SCGB3A2: variants seen among roughly 807,000 people sequenced by gnomAD.
The protein encoded by SCGB3A2 is pneumo secretory protein 1.
SCGB3A2 carries 5 observed loss-of-function variants against 7.7 expected under a neutral mutation model. The observed-to-expected ratio is 0.65, with a 90% CI of 0.34 to 1.36. SCGB3A2 has a LOEUF of 1.36. SCGB3A2 is among the 40% of genes most tolerant of loss of function. SCGB3A2 has a pLI of 0.04. For missense variants in SCGB3A2, 109 were observed against 103.6 expected, an observed-to-expected ratio of 1.05 and a Z score of -0.23; for synonymous variants, 44 against 42.7, an observed-to-expected ratio of 1.03 and a Z score of -0.12.
chr5:147,881,889 A>T, intron 2 of SCGB3A2, 138 bp from the exon 3 acceptor site: 1 of 917,536 alleles, frequency 1.1e-6, no homozygotes, highest in Non-Finnish European at 1.7e-6. Context: ...GTGATTTTGG[A>T]TGAGACGTAA....
Position 147,878,792 on chromosome 5 carries a change from C to G in SCGB3A2, c.-12C>G. 6.2e-7 allele frequency: 1 copy of G among 1,610,188 alleles called. No individual in the cohort carries two copies. Among genetic ancestry groups the G allele is most frequent in the Non-Finnish European group, 8.5e-7 (1 of 1,176,640 alleles). On this transcript the variant is annotated 5_prime_UTR_variant, in exon 1 of 3. Transcript: ENST00000296694. ...ATTTTTAAACTCCTGAAAAATATCC[C>G]AGATAACTGTCATGAAGCTGGTAAC...
chr5:147,882,073 G>T lies in SCGB3A2; in HGVS notation c.*23G>T. 1 of 1,612,602 alleles carries T rather than the reference G, an allele frequency of 6.2e-7. No individual in the cohort carries two copies. ...TGACATCAAGATAAAGAGCGGAGGT[G>T]GATGGGGATGGAAGATGATGCTCCT... is the stretch of plus-strand genomic sequence containing the variant. On this transcript the variant is annotated 3_prime_UTR_variant, in exon 3 of 3. Coordinates refer to ENST00000296694, the MANE Select transcript of SCGB3A2 (RefSeq NM_054023.5).
intron 1 of SCGB3A2, among the ~76,000 whole-genome samples, chr5:147,880,214 C>T (rs1757324550): frequency 1.3e-5 from 2 of 152,124 alleles, no homozygotes; most frequent in South Asian, 2.1e-4. Flanking sequence ...ATACATCGTA[C>T]ATATTTTCCT....
chr5:147,881,505 C>G lies in SCGB3A2; in HGVS notation c.115C>G (p.Leu39Val). 6.2e-7 allele frequency: 1 copy of G among 1,614,054 alleles called. No individual in the cohort carries two copies. The highest frequency in any genetic ancestry group is 8.5e-7 in the Non-Finnish European group (1 of 1,179,932). The change falls in exon 2 of 3, where the codon CTG becomes GTG. Residue 39 changes from leucine to valine, a missense_variant. By Grantham distance (32) the Leu-to-Val change is conservative. Coordinates refer to ENST00000296694, the MANE Select transcript of SCGB3A2 (RefSeq NM_054023.5). ...LPVDKLAPLPLDNILPFMDPL... is the reference protein window; with the variant it reads ...LPVDKLAPLPVDNILPFMDPL... ...TGTTGACAAGTTGGCACCTTTACCT[C>G]TGGACAACATTCTTCCCTTTATGGA...
rs1420346795 is a variant in SCGB3A2, at chr5:147,878,812, G to A, written c.9G>A (p.Leu3=). Residue 3 remains leucine, a synonymous_variant, in exon 1 of 3, where the codon CTG becomes CTA. Coordinates refer to ENST00000296694, the MANE Select transcript of SCGB3A2 (RefSeq NM_054023.5). The stretch of plus-strand genomic sequence containing the variant: ...TATCCCAGATAACTGTCATGAAGCT[G>A]GTAACTATCTTCCTGCTGGTGACCA... MK[L]VTIFLLVTIS... 1 of 1,612,396 alleles carries A rather than the reference G, an allele frequency of 6.2e-7. No individual in the cohort carries two copies. Among genetic ancestry groups the A allele is most frequent in the Admixed American group, 1.7e-5 (1 of 59,982 alleles).
intron 2 of SCGB3A2, 110 bp from the exon 3 acceptor site, chr5:147,881,917 T>G: frequency 8.3e-7 from 1 of 1,201,834 alleles, no homozygotes; most frequent in Non-Finnish European, 1.2e-6. Context: ...GAGTTTTTGT[T>G]TCCCCATCAG....
At chr5:147,881,922 C>A in intron 2 of SCGB3A2, 105 bp from the exon 3 acceptor site, 1 of 1,247,434 alleles carries the variant, frequency 8.0e-7, no homozygotes, top group South Asian at 1.2e-5. Flanking sequence ...TTTGTTTCCC[C>A]ATCAGTAAAA....
intron 2 of SCGB3A2, 90 bp downstream of exon 2, chr5:147,881,738 A>T (rs572049697): frequency 3.0e-6 from 3 of 1,006,828 alleles, no homozygotes; most frequent in African/African-American, 1.6e-5. Context: ...GTAAATGTGC[A>T]TTTCCACTTT....
chr5:147,880,644 A>C (rs1436639920), intron 1 of SCGB3A2: 2 of 152,174 alleles, frequency 1.3e-5, no homozygotes, highest in African/African-American at 4.8e-5. Context: ...GCACTCTTTC[A>C]TGTTAGAATT....
chr5:147,879,199 C>T (rs954841535), intron 1 of SCGB3A2, among the ~76,000 whole-genome samples: 3 of 152,110 alleles, frequency 2.0e-5, no homozygotes, highest in African/African-American at 7.2e-5. Flanking sequence ...GGTCACCATT[C>T]GTTTTTCTTA....
intron 2 of SCGB3A2, 33 bp from the exon 3 acceptor site, chr5:147,881,994 T>G (rs6890965): frequency 0.03 from 48,148 of 1,610,562 alleles, 1,994 homozygotes; most frequent in African/African-American, 0.2. Flanking sequence ...ACATGTAAGC[T>G]GCTCTAAATT....
At chr5:147,881,424 C>G (rs1757345924) in intron 1 of SCGB3A2, 22 bp from the exon 2 acceptor site, 3 of 1,605,832 alleles carry the variant, frequency 1.9e-6, no homozygotes, top group Non-Finnish European at 1.7e-6. Flanking sequence ...CCTGTCTCAC[C>G]TGGTTTCTCT....
chr5:147,881,938 GC>G, intron 2 of SCGB3A2, 88 bp from the exon 3 acceptor site: 1 of 1,411,932 alleles, frequency 7.1e-7, no homozygotes, highest in Non-Finnish European at 1.0e-6. Context: ...TAAAATAGTG[GC>G]CAAACAGGAC....
At position 147,881,426 on chromosome 5, in the gene SCGB3A2, G is replaced by A. The variant is rs772649271; in HGVS notation, c.56-20G>A. The A allele has an allele frequency of 2.5e-6, 4 of 1,607,386 alleles. No homozygotes were observed. The highest frequency in any genetic ancestry group is 3.4e-6 in the Non-Finnish European group (4 of 1,174,168). On this transcript the variant is annotated intron_variant, in intron 1 of 2. Coordinates refer to ENST00000296694, the MANE Select transcript of SCGB3A2 (RefSeq NM_054023.5). Reference sequence around the variant, plus strand: ...GGGCCCAGATGTGCCTGTCTCACCTGGTTTCTCTTTTTCCTGCAGCTACTG... The same window carrying A: ...GGGCCCAGATGTGCCTGTCTCACCTAGTTTCTCTTTTTCCTGCAGCTACTG...
intron 2 of SCGB3A2, 21 bp downstream of exon 2, chr5:147,881,669 T>TAATCTGCCAAAGGGGAGGCA: frequency 6.2e-7 from 1 of 1,602,446 alleles, no homozygotes; most frequent in Non-Finnish European, 8.5e-7. Context: ...CTTGGGAGGC[T>TAATCTGCCAAAGGGGAGGCA]AATCTGCCAA....
chr5:147,881,857 G>A (rs761595134), intron 2 of SCGB3A2, among the ~76,000 whole-genome samples, 170 bp from the exon 3 acceptor site: 4 of 152,156 alleles, frequency 2.6e-5, no homozygotes, highest in Admixed American at 1.3e-4. Flanking sequence ...TTATAGTTGT[G>A]ACAATACCAT....
At position 147,878,799 on chromosome 5, in the gene SCGB3A2, C is replaced by G; in HGVS notation, c.-5C>G. 1 of 1,611,552 alleles carries G rather than the reference C, an allele frequency of 6.2e-7. No homozygotes were observed. The highest frequency in any genetic ancestry group is 1.1e-5 in the South Asian group (1 of 90,998). On this transcript the variant is annotated 5_prime_UTR_variant, in exon 1 of 3. Transcript: ENST00000296694. ...AACTCCTGAAAAATATCCCAGATAA[C>G]TGTCATGAAGCTGGTAACTATCTTC... is the stretch of plus-strand genomic sequence containing the variant.
chr5:147,881,451 G>T lies in SCGB3A2; in HGVS notation c.61G>T (p.Ala21Ser). The T allele has an allele frequency of 6.2e-7, 1 of 1,613,804 alleles. No individual in the cohort carries two copies. Among genetic ancestry groups the T allele is most frequent in the South Asian group, 1.1e-5 (1 of 91,068 alleles). The change falls in exon 2 of 3, where the codon GCC becomes TCC. Residue 21 changes from alanine to serine, a missense_variant. Coordinates refer to ENST00000296694, the MANE Select transcript of SCGB3A2 (RefSeq NM_054023.5). Reference sequence around the variant, plus strand: ...GGTTTCTCTTTTTCCTGCAGCTACTGCCTTCCTCATCAACAAAGTGCCCCT... The same window carrying T: ...GGTTTCTCTTTTTCCTGCAGCTACTTCCTTCCTCATCAACAAAGTGCCCCT... ...TISLCSYSATAFLINKVPLPV... is the reference protein window; with the variant it reads ...TISLCSYSATSFLINKVPLPV...
At chr5:147,881,899 ATCAC>A in intron 2 of SCGB3A2, 124 bp from the exon 3 acceptor site, 4 of 1,002,456 alleles carry the variant, frequency 4.0e-6, no homozygotes, top group Non-Finnish European at 6.2e-6. Flanking sequence ...ATGAGACGTA[ATCAC>A]TCTGAGTTTT....
Sources: gnomAD v4.1 joint callset for allele counts (sites outside exome capture counted in the v4.1 genomes callset) on GRCh38, gnomAD v4.1.1 for gene constraint, MANE v1.5 for transcripts, NCBI Gene and HGNC (gene_info 2026-07-23, HGNC 2026-07-21) for gene names.